ANKRD6: variants seen among roughly 807,000 people sequenced by gnomAD.
The protein encoded by ANKRD6 is ankyrin repeat domain 6.
In ANKRD6, 56 loss-of-function variants were observed where a neutral mutation model predicts 82.3. That is an observed-to-expected ratio of 0.68 (90% CI 0.55 to 0.85). ANKRD6 has a LOEUF of 0.85. Ranked by LOEUF, ANKRD6 falls within the 40% of genes least tolerant of loss-of-function variation. The probability of loss-of-function intolerance (pLI) is 0.00; values close to 1 mark genes in which losing one functional copy is unlikely to be tolerated. For missense variants in ANKRD6, 852 were observed against 907.6 expected (o/e 0.94, Z 0.79); for synonymous variants, 347 against 352.1 (o/e 0.99, Z 0.16).
chr6:89,623,294 C>G, intron 10 of ANKRD6, 116 bp from the exon 11 acceptor site: 1 of 1,343,234 alleles, frequency 7.4e-7, no homozygotes. Flanking sequence ...ATGTTATTTG[C>G]AAAGGTTCTC....
intron 1 of ANKRD6, among the ~76,000 whole-genome samples, chr6:89,436,878 AG>A (rs1770698433): frequency 6.6e-6 from 1 of 152,202 alleles, no homozygotes; most frequent in Admixed American, 6.5e-5. Context: ...CATCCCGTCA[AG>A]GGGGAAGAGA....
chr6:89,556,612 A>G (rs562524967), intron 1 of ANKRD6, among the ~76,000 whole-genome samples: 22 of 152,228 alleles, frequency 1.4e-4, no homozygotes, highest in Non-Finnish European at 2.5e-4. Context: ...CATTAGCAAC[A>G]TTCAGTTAGA....
intron 1 of ANKRD6, among the ~76,000 whole-genome samples, chr6:89,539,932 C>A (rs1233487748): frequency 6.6e-6 from 1 of 150,624 alleles, no homozygotes; most frequent in South Asian, 2.1e-4. Flanking sequence ...GCTTATTTTA[C>A]TTAACATGAT....
chr6:89,457,858 C>T (rs564480959), intron 1 of ANKRD6, among the ~76,000 whole-genome samples: 40 of 152,292 alleles, frequency 2.6e-4, no homozygotes, highest in African/African-American at 8.7e-4. Context: ...GTGTCTCCCC[C>T]GCGAATTCAT....
intron 1 of ANKRD6, among the ~76,000 whole-genome samples, chr6:89,558,395 C>T (rs960369565): frequency 2.6e-5 from 4 of 152,142 alleles, no homozygotes; most frequent in Non-Finnish European, 4.4e-5. Flanking sequence ...TATTATTCAG[C>T]ACCAGAAAGA....
intron 2 of ANKRD6, among the ~76,000 whole-genome samples, chr6:89,589,729 A>C (rs1309742364): frequency 6.6e-6 from 1 of 152,268 alleles, no homozygotes; most frequent in East Asian, 1.9e-4. Context: ...AGTTAGATCC[A>C]CAGGGCTCAG....
chr6:89,582,692 T>C (rs1188352914), intron 2 of ANKRD6, among the ~76,000 whole-genome samples: 1 of 151,790 alleles, frequency 6.6e-6, no homozygotes, highest in Non-Finnish European at 1.5e-5. Context: ...TCTATGAATT[T>C]GTGATCCATT....
intron 1 of ANKRD6, among the ~76,000 whole-genome samples, chr6:89,482,524 A>G (rs917076042): frequency 6.6e-6 from 1 of 152,148 alleles, no homozygotes; most frequent in East Asian, 1.9e-4. Context: ...TGTATCAGCC[A>G]CTAAGGAAGT....
chr6:89,459,223 C>T (rs1347948973), intron 1 of ANKRD6, among the ~76,000 whole-genome samples: 1 of 152,024 alleles, frequency 6.6e-6, no homozygotes, highest in East Asian at 1.9e-4. Context: ...GGATTACAGG[C>T]ATGTGCCACC....
At chr6:89,461,506 C>T (rs116231990) in intron 1 of ANKRD6, among the ~76,000 whole-genome samples, 1,556 of 152,202 alleles carry the variant, frequency 0.01, 29 homozygotes, top group African/African-American at 0.035. Context: ...TATGTTAAGC[C>T]AACATATGTC....
chr6:89,524,624 G>C (rs1175745518), intron 1 of ANKRD6, among the ~76,000 whole-genome samples: 1 of 152,136 alleles, frequency 6.6e-6, no homozygotes, highest in African/African-American at 2.4e-5. Context: ...TTAGCCACAT[G>C]TTGATTGATG....
chr6:89,629,938 A>G (rs1303175581), intron 15 of ANKRD6, among the ~76,000 whole-genome samples: 1 of 152,194 alleles, frequency 6.6e-6, no homozygotes, highest in Non-Finnish European at 1.5e-5. Flanking sequence ...CTTGTCGTGG[A>G]GCTCTGGGTG....
chr6:89,590,340 C>G (rs1407845603), intron 2 of ANKRD6, among the ~76,000 whole-genome samples: 1 of 152,116 alleles, frequency 6.6e-6, no homozygotes, highest in Non-Finnish European at 1.5e-5. Context: ...CTCATCCCAT[C>G]CTGTGGTTCT....
intron 1 of ANKRD6, among the ~76,000 whole-genome samples, chr6:89,466,890 A>T (rs1582757474): frequency 6.6e-6 from 1 of 152,288 alleles, no homozygotes; most frequent in South Asian, 2.1e-4. Flanking sequence ...ATCTTTTTAT[A>T]GAAATGGGGT....
chr6:89,544,088 G>A lies in ANKRD6; in HGVS notation c.-143-22746G>A, dbSNP rs562239715. ...CACTTATCCCTTTAGTGAAGGAAGC[G>A]ACCTCTCGGCCCTCCTGGGATCATG... On this transcript the variant is annotated intron_variant, in intron 1 of 15. Transcript: ENST00000339746. Among the ~76,000 whole-genome samples, 6 of 152,244 alleles carry A rather than the reference G, an allele frequency of 3.9e-5. No homozygotes were observed. In the South Asian group the frequency reaches 1.0e-3, roughly 26 times the overall value.
intron 1 of ANKRD6, among the ~76,000 whole-genome samples, chr6:89,441,453 G>A (rs1300463964): frequency 4.0e-5 from 6 of 151,770 alleles, no homozygotes; most frequent in Admixed American, 2.6e-4. Context: ...GCACCTGGCC[G>A]AATTTATCTT....
At position 89,566,013 on chromosome 6, in the gene ANKRD6, C is replaced by A. The variant is rs1394016430; in HGVS notation, c.-143-821C>A. Among the ~76,000 whole-genome samples the A allele has an allele frequency of 5.3e-5, 8 of 152,284 alleles. No individual in the cohort carries two copies. The East Asian group carries it at 1.2e-3, about 22-fold the overall frequency. ...AGTCTTTAAAATTCTCTTCATTTTG[C>A]TATGTGGTAGGAAGAATTCAGTTTG... On this transcript the variant is annotated intron_variant, in intron 1 of 15. Transcript: ENST00000339746.
In ANKRD6 at chr6:89,621,933, C is replaced by T; in HGVS notation, c.804C>T (p.Phe268=). ...TTTGCCTCCTTCAGGTCTTGCGCTT[C>T]AGTCGTGGGCGAAGCCTGAGGAAAA... ...LLTKAPQVLR[F]SRGRSLRKKR... is the part of the protein sequence containing the mutation. Residue 268 remains phenylalanine, a synonymous_variant, in exon 10 of 16, where the codon TTC becomes TTT. Transcript: ENST00000339746. 2 of 1,613,954 alleles carry T rather than the reference C, an allele frequency of 1.2e-6. No individual in the cohort carries two copies. Among genetic ancestry groups the T allele is most frequent in the Non-Finnish European group, 1.7e-6 (2 of 1,179,884 alleles).
intron 1 of ANKRD6, among the ~76,000 whole-genome samples, chr6:89,543,408 C>T (rs1331911127): frequency 1.3e-5 from 2 of 152,176 alleles, no homozygotes; most frequent in Non-Finnish European, 2.9e-5. Flanking sequence ...CTACTAGACT[C>T]ACTGTGAAAC....
Sources: gnomAD v4.1 joint callset for allele counts (sites outside exome capture counted in the v4.1 genomes callset) on GRCh38, gnomAD v4.1.1 for gene constraint, MANE v1.5 for transcripts, NCBI Gene and HGNC (gene_info 2026-07-23, HGNC 2026-07-21) for gene names.